Variants in TMTC1 observed in about 807,000 individuals in gnomAD.
TMTC1 encodes the protein protein O-mannosyl-transferase TMTC1.
In TMTC1, 73 loss-of-function variants were observed where a neutral mutation model predicts 104.8. The ratio of observed to expected loss-of-function variants is 0.70; its 90% CI spans 0.58 to 0.85. The LOEUF is 0.85. TMTC1 is among the 40% of genes least tolerant of loss of function. The pLI, the probability that TMTC1 is intolerant of heterozygous loss-of-function variation, is 0.00. For missense variants in TMTC1, 1,035 were observed against 1,096.1 expected (o/e 0.94, Z 0.79); for synonymous variants, 434 against 428.7 (o/e 1.01, Z -0.15).
At chr12:29,723,536 C>T (rs1332290863) in intron 5 of TMTC1, among the ~76,000 whole-genome samples, 1 of 151,944 alleles carries the variant, frequency 6.6e-6, no homozygotes, top group East Asian at 1.9e-4. Flanking sequence ...GCCTGGGCAA[C>T]ATAGTGAGAC....
chr12:29,718,635 T>C (rs983581591), intron 5 of TMTC1, among the ~76,000 whole-genome samples: 1 of 152,072 alleles, frequency 6.6e-6, no homozygotes, highest in Non-Finnish European at 1.5e-5. Flanking sequence ...ATCAATTATA[T>C]TGAGAGGAAT....
chr12:29,750,357 T>G (rs1182562175), intron 5 of TMTC1, among the ~76,000 whole-genome samples: 1 of 152,166 alleles, frequency 6.6e-6, no homozygotes, highest in East Asian at 1.9e-4. Context: ...CATCACACCC[T>G]GCCTAACTCT....
chr12:29,749,464 C>A (rs1385717114), intron 5 of TMTC1, among the ~76,000 whole-genome samples: 2 of 152,172 alleles, frequency 1.3e-5, no homozygotes, highest in Non-Finnish European at 2.9e-5. Context: ...CTGGCATGAA[C>A]CTGCCCTAAC....
chr12:29,760,992 T>A (rs1309431045), intron 2 of TMTC1, among the ~76,000 whole-genome samples: 1 of 147,400 alleles, frequency 6.8e-6, no homozygotes, highest in African/African-American at 2.5e-5. Flanking sequence ...ATGTATTTTT[T>A]ATATAATATG....
At chr12:29,675,169 T>TA (rs5797333) in intron 5 of TMTC1, among the ~76,000 whole-genome samples, 83,605 of 151,810 alleles carry the variant, frequency 0.55, 23,268 homozygotes, top group African/African-American at 0.63. Context: ...AAACTGTGTT[T>TA]AAAAAAATCC....
intron 5 of TMTC1, among the ~76,000 whole-genome samples, chr12:29,704,257 T>C (rs559177646): frequency 7.9e-5 from 12 of 152,358 alleles, no homozygotes; most frequent in Admixed American, 7.2e-4. Context: ...AAAATAGTGA[T>C]ACACTAATTA....
chr12:29,670,250 T>C (rs1165566772), intron 5 of TMTC1, among the ~76,000 whole-genome samples: 1 of 152,246 alleles, frequency 6.6e-6, no homozygotes, highest in African/African-American at 2.4e-5. Flanking sequence ...GAGTATTTGA[T>C]ACTGGGACTG....
intron 5 of TMTC1, among the ~76,000 whole-genome samples, chr12:29,638,757 C>T (rs963664461): frequency 2.0e-5 from 3 of 152,196 alleles, no homozygotes; most frequent in East Asian, 1.9e-4. Context: ...AGCAGGGCAC[C>T]GAAGAATCGA....
chr12:29,514,800 C>T (rs757734960), intron 15 of TMTC1, among the ~76,000 whole-genome samples, 196 bp from the exon 16 acceptor site: 12 of 152,014 alleles, frequency 7.9e-5, no homozygotes, highest in Non-Finnish European at 1.3e-4. Context: ...GGGCAGATTG[C>T]CCAGTAGCTC....
At chr12:29,763,753 C>T (rs895045792) in intron 2 of TMTC1, among the ~76,000 whole-genome samples, 8 of 151,958 alleles carry the variant, frequency 5.3e-5, no homozygotes, top group South Asian at 2.1e-4. Context: ...AAGCTCAAGG[C>T]GAGAGGAAGC....
At chr12:29,751,073 C>A (rs1221649401) in intron 5 of TMTC1, among the ~76,000 whole-genome samples, 1 of 152,224 alleles carries the variant, frequency 6.6e-6, no homozygotes, top group East Asian at 1.9e-4. Flanking sequence ...TAACATATAT[C>A]TGTTATATTC....
At chr12:29,695,866 T>A (rs889812357) in intron 5 of TMTC1, among the ~76,000 whole-genome samples, 1 of 145,142 alleles carries the variant, frequency 6.9e-6, no homozygotes, top group Non-Finnish European at 1.5e-5. Context: ...GGAGATTTTG[T>A]GATGGATTTT....
intron 11 of TMTC1, among the ~76,000 whole-genome samples, chr12:29,527,136 T>G (rs1197260514): frequency 6.6e-6 from 1 of 152,158 alleles, no homozygotes. Context: ...AACATTTAAT[T>G]AAAATATGAT....
intron 5 of TMTC1, among the ~76,000 whole-genome samples, chr12:29,676,895 G>A (rs1177368174): frequency 6.6e-6 from 1 of 152,184 alleles, no homozygotes; most frequent in African/African-American, 2.4e-5. Context: ...GAGCTGGCTG[G>A]CATGCCACAG....
Position 29,605,399 on chromosome 12 carries a change from T to C in TMTC1, c.1129-1100A>G, listed in dbSNP as rs186828452. ...TTACGGACTAAAATATATAGGGTAA[T>C]ACAATTTCTGAGAGTGATTCCATAT... On this transcript the variant is annotated intron_variant, in intron 6 of 17. Coordinates refer to ENST00000539277, the MANE Select transcript of TMTC1 (RefSeq NM_001193451.2). Among the ~76,000 whole-genome samples, 147 of 152,036 alleles carry C rather than the reference T, an allele frequency of 9.7e-4. 2 individuals are homozygous for C. The highest frequency in any genetic ancestry group is 3.4e-3 in the African/African-American group (142 of 41,550).
chr12:29,636,198 A>G (rs1275935795), intron 5 of TMTC1, among the ~76,000 whole-genome samples: 1 of 152,232 alleles, frequency 6.6e-6, no homozygotes, highest in Non-Finnish European at 1.5e-5. Flanking sequence ...GGATGAAACA[A>G]GATGGCCTGG....
chr12:29,637,042 T>C (rs1441358084), intron 5 of TMTC1, among the ~76,000 whole-genome samples: 2 of 149,948 alleles, frequency 1.3e-5, no homozygotes, highest in African/African-American at 4.9e-5. Context: ...CCTAGAGCAA[T>C]AGAGCAAGAT....
At chr12:29,514,422 C>T (rs1387882490) in intron 16 of TMTC1, 60 bp downstream of exon 16, 2 of 1,538,442 alleles carry the variant, frequency 1.3e-6, no homozygotes, top group Non-Finnish European at 1.8e-6. Flanking sequence ...CCTTAAAGAT[C>T]AAAAGACAAT....
Position 29,520,482 on chromosome 12 carries a change from T to A in TMTC1, c.1888+136A>T, listed in dbSNP as rs1350690809. 7.0e-6 allele frequency: 5 copies of A among 711,942 alleles called. No individual in the cohort carries two copies. The African/African-American group carries it at 7.2e-5, about 10-fold the overall frequency. 44.1% of individuals were successfully genotyped at this position (711,942 alleles called of 1,614,324 possible). On this transcript the variant is annotated intron_variant, in intron 12 of 17. Coordinates refer to ENST00000539277, the MANE Select transcript of TMTC1 (RefSeq NM_001193451.2). ...ATCTAGAGAAATGACAGCCCCGAGG[T>A]ATAATGACTGTCAATAGTGTGAGCT...
Sources: allele counts gnomAD v4.1 joint callset (sites outside exome capture counted in the v4.1 genomes callset), GRCh38; gene constraint gnomAD v4.1.1; transcripts MANE v1.5; gene names NCBI Gene and HGNC (gene_info 2026-07-23, HGNC 2026-07-21).